The following NSMCE2 variants were observed in gnomAD, a reference collection of about 807,000 sequenced individuals.
NSMCE2 encodes NSE2 SUMO ligase component of SMC5/6 complex, also known as E3 SUMO-protein ligase NSE2.
Under a neutral mutation model 23.8 loss-of-function variants are expected in NSMCE2, and 24 were observed. The observed-to-expected ratio is 1.01, with a 90% CI of 0.73 to 1.42. The LOEUF is 1.42. Ranked by LOEUF, NSMCE2 falls within the 40% of genes most tolerant of loss-of-function variation. The pLI is 0.00. For synonymous variants in NSMCE2, 92 were observed against 94.1 expected, an observed-to-expected ratio of 0.98 and a Z score of 0.13; for missense variants, 284 against 296.5, an observed-to-expected ratio of 0.96 and a Z score of 0.31.
At chr8:125,104,200 G>A (rs1344730349) in intron 3 of NSMCE2, among the ~76,000 whole-genome samples, 1 of 152,024 alleles carries the variant, frequency 6.6e-6, no homozygotes. Context: ...ATGTTGGTCA[G>A]GCTGGTCTCA....
chr8:125,218,010 A>G (rs1824679111), intron 5 of NSMCE2, among the ~76,000 whole-genome samples: 1 of 152,208 alleles, frequency 6.6e-6, no homozygotes. Context: ...TGTTACTGTC[A>G]TATGAGCCTC....
intron 1 of NSMCE2, among the ~76,000 whole-genome samples, chr8:125,097,943 C>G (rs1426640007): frequency 6.6e-6 from 1 of 152,030 alleles, no homozygotes; most frequent in East Asian, 1.9e-4. Flanking sequence ...ACCCTTCCTG[C>G]TTTTTTCTGT....
intron 3 of NSMCE2, among the ~76,000 whole-genome samples, chr8:125,103,101 A>T (rs990601520): frequency 6.6e-6 from 1 of 152,034 alleles, no homozygotes; most frequent in Non-Finnish European, 1.5e-5. Flanking sequence ...CCCCGTCTCT[A>T]CTAAAAATAC....
chr8:125,208,947 A>G (rs991033692), intron 5 of NSMCE2, among the ~76,000 whole-genome samples: 9 of 152,298 alleles, frequency 5.9e-5, no homozygotes, highest in South Asian at 4.1e-4. Context: ...TTCCTCTCCA[A>G]TGGTGCCAAG....
At chr8:125,275,605 A>G (rs1827419310) in intron 5 of NSMCE2, among the ~76,000 whole-genome samples, 2 of 152,070 alleles carry the variant, frequency 1.3e-5, no homozygotes. Flanking sequence ...AACTCTCCCA[A>G]TTTTGATTCC....
intron 4 of NSMCE2, among the ~76,000 whole-genome samples, chr8:125,165,729 T>C (rs1276282578): frequency 1.3e-5 from 2 of 152,226 alleles, no homozygotes; most frequent in Non-Finnish European, 2.9e-5. Context: ...ATTTTGTTTA[T>C]TGTTCTAATT....
chr8:125,266,254 G>A (rs187700945), intron 5 of NSMCE2, among the ~76,000 whole-genome samples: 1 of 152,272 alleles, frequency 6.6e-6, no homozygotes, highest in East Asian at 1.9e-4. Flanking sequence ...ACCACGCCCG[G>A]CTAATTTTGT....
At chr8:125,113,545 T>G (rs1001887038) in intron 3 of NSMCE2, among the ~76,000 whole-genome samples, 2 of 152,164 alleles carry the variant, frequency 1.3e-5, no homozygotes, top group African/African-American at 4.8e-5. Context: ...AGAAATACAT[T>G]TCTGGGGGAG....
intron 5 of NSMCE2, among the ~76,000 whole-genome samples, chr8:125,235,893 A>C (rs969927968): frequency 6.6e-6 from 1 of 152,196 alleles, no homozygotes; most frequent in Non-Finnish European, 1.5e-5. Context: ...CTAATCCCTA[A>C]GGAGTTATGA....
chr8:125,206,829 G>A (rs1186496648), intron 5 of NSMCE2, among the ~76,000 whole-genome samples: 1 of 152,094 alleles, frequency 6.6e-6, no homozygotes, highest in Non-Finnish European at 1.5e-5. Context: ...GGGGAGAAAG[G>A]CTTTTCACTT....
intron 5 of NSMCE2, among the ~76,000 whole-genome samples, chr8:125,259,365 T>A (rs529616668): frequency 1.8e-4 from 27 of 152,324 alleles, no homozygotes; most frequent in African/African-American, 6.5e-4. Context: ...CATTACCACC[T>A]GAGCTCCACT....
intron 4 of NSMCE2, among the ~76,000 whole-genome samples, chr8:125,157,279 A>G (rs932387539): frequency 2.0e-5 from 3 of 152,192 alleles, no homozygotes; most frequent in Non-Finnish European, 4.4e-5. Context: ...CAGAGGGGAA[A>G]GTACTAGGAG....
intron 5 of NSMCE2, among the ~76,000 whole-genome samples, chr8:125,232,650 G>A (rs558094383): frequency 1.4e-3 from 214 of 152,152 alleles, no homozygotes; most frequent in African/African-American, 4.9e-3. Context: ...AATGTTCTGC[G>A]TACTCATCCC....
intron 5 of NSMCE2, among the ~76,000 whole-genome samples, chr8:125,258,862 C>T (rs1364084617): frequency 6.6e-6 from 1 of 152,346 alleles, no homozygotes; most frequent in African/African-American, 2.4e-5. Context: ...GGTCACACAA[C>T]TGACCAGTGG....
chr8:125,309,201 T>C (rs1828879486), intron 5 of NSMCE2, among the ~76,000 whole-genome samples: 1 of 134,284 alleles, frequency 7.4e-6, no homozygotes, highest in South Asian at 2.3e-4. Flanking sequence ...TGAGCCGAGA[T>C]CACGCCATTC....
At chr8:125,172,218 C>T (rs948426853) in intron 4 of NSMCE2, among the ~76,000 whole-genome samples, 2 of 152,098 alleles carry the variant, frequency 1.3e-5, no homozygotes, top group African/African-American at 4.8e-5. Flanking sequence ...GCACCTCCCT[C>T]GTGTCATTCT....
intron 3 of NSMCE2, among the ~76,000 whole-genome samples, chr8:125,111,012 G>C (rs944973697): frequency 2.0e-5 from 3 of 152,050 alleles, no homozygotes; most frequent in African/African-American, 7.2e-5. Context: ...CTTCTTTGCA[G>C]CTGGTTACAG....
chr8:125,297,416 T>C (rs780037141), intron 5 of NSMCE2, among the ~76,000 whole-genome samples: 1 of 152,202 alleles, frequency 6.6e-6, no homozygotes, highest in Non-Finnish European at 1.5e-5. Context: ...AGGCAGCTCA[T>C]TCCATTTTCA....
chr8:125,120,826 A>C (rs1388358012), intron 3 of NSMCE2, among the ~76,000 whole-genome samples: 3 of 152,200 alleles, frequency 2.0e-5, no homozygotes, highest in Non-Finnish European at 2.9e-5. Flanking sequence ...CATGTGACCA[A>C]GTCGCAAGAG....
Sources: gnomAD v4.1 joint callset for allele counts (sites outside exome capture counted in the v4.1 genomes callset) on GRCh38, gnomAD v4.1.1 for gene constraint, MANE v1.5 for transcripts, NCBI Gene and HGNC (gene_info 2026-07-23, HGNC 2026-07-21) for gene names.